Variants in CEP43 observed in about 807,000 individuals in gnomAD.
CEP43 encodes FGFR1 oncogene partner.
A neutral mutation model predicts 52.6 loss-of-function variants in CEP43; 36 were observed. The ratio of observed to expected loss-of-function variants is 0.68; its 90% CI spans 0.52 to 0.90. The LOEUF is 0.90. Among genes scored for constraint, CEP43 ranks in the 40% least tolerant of loss-of-function variants. The pLI is 0.00. For synonymous variants in CEP43, 192 were observed against 172.4 expected (o/e 1.11, Z -0.89); for missense variants, 506 against 472.8 (o/e 1.07, Z -0.65).
chr6:167,051,478 G>A lies in CEP43; in HGVS notation c.*11500G>A, dbSNP rs1348819978. 1.3e-5 allele frequency: 2 copies of A among 152,234 alleles called. No homozygotes were observed. The highest frequency in any genetic ancestry group is 1.9e-4 in the East Asian group (1 of 5,204). The allele number at this position is 152,234 out of a possible 1,614,324, so 9.4% of individuals were successfully genotyped here. A position where few individuals can be genotyped will look rare whatever the true frequency, so the allele number is the denominator to read the frequency against. On this transcript the variant is annotated 3_prime_UTR_variant, in exon 13 of 13. Coordinates refer to ENST00000366847, the MANE Select transcript of CEP43 (RefSeq NM_007045.4). Reference sequence around the variant, plus strand: ...AGTCAAGATGGAGTTGGTTAGATCAGATCTCTTTCACTGTTATAATTTTCT... The same window carrying A: ...AGTCAAGATGGAGTTGGTTAGATCAAATCTCTTTCACTGTTATAATTTTCT...
intron 7 of CEP43, among the ~76,000 whole-genome samples, chr6:167,021,617 CA>C (rs1780233233): frequency 6.6e-6 from 1 of 151,734 alleles, no homozygotes; most frequent in African/African-American, 2.4e-5. Flanking sequence ...TCCCTGAAAA[CA>C]AAAAAGAAAA....
chr6:167,013,635 G>T, intron 7 of CEP43, 68 bp downstream of exon 7: 1 of 1,266,712 alleles, frequency 7.9e-7, no homozygotes, highest in South Asian at 1.2e-5. Flanking sequence ...GGGGCCTCCT[G>T]GAGCGCTGGG....
At chr6:167,036,070 A>G (rs535341234) in intron 12 of CEP43, 715 of 985,292 alleles carry the variant, frequency 7.3e-4, no homozygotes, top group Non-Finnish European at 8.4e-4. Flanking sequence ...CTTCCCTCAA[A>G]TTTATGCAGG....
chr6:167,031,985 C>T (rs1011537932), intron 10 of CEP43, among the ~76,000 whole-genome samples: 12 of 152,152 alleles, frequency 7.9e-5, no homozygotes, highest in African/African-American at 2.9e-4. Context: ...TACTGTGGAC[C>T]AAGGTCTCTG....
At chr6:167,002,124 T>G (rs1030872606) in intron 2 of CEP43, among the ~76,000 whole-genome samples, 1 of 152,200 alleles carries the variant, frequency 6.6e-6, no homozygotes, top group Non-Finnish European at 1.5e-5. Context: ...GAAATGATCA[T>G]CACAATCAAG....
chr6:167,025,024 A>T, intron 9 of CEP43, 130 bp downstream of exon 9: 1 of 619,540 alleles, frequency 1.6e-6, no homozygotes, highest in East Asian at 2.8e-5. Flanking sequence ...ACTCAGAGAT[A>T]TTTCCTGTTA....
chr6:167,014,595 A>G (rs1562526509), intron 7 of CEP43, among the ~76,000 whole-genome samples: 1 of 152,244 alleles, frequency 6.6e-6, no homozygotes. Flanking sequence ...GAAAATCTTC[A>G]AACTTAAAGC....
In CEP43 at chr6:167,024,737, G is replaced by T. The variant is rs755954152; in HGVS notation, c.807-45G>T. On this transcript the variant is annotated intron_variant, in intron 8 of 12. Coordinates refer to ENST00000366847, the MANE Select transcript of CEP43 (RefSeq NM_007045.4). The stretch of plus-strand genomic sequence containing the variant: ...CTGTGGCAGAATAAAAGTGTTTAGT[G>T]GCAGAACATAAGAGCACCGATTAAC... 1.5e-5 allele frequency: 20 copies of T among 1,313,082 alleles called. No individual in the cohort carries two copies. The East Asian group carries it at 2.6e-4, about 17-fold the overall frequency. The allele number at this position is 1,313,082 out of a possible 1,614,324, so 81.3% of individuals were successfully genotyped here.
chr6:167,044,395 TTA>T lies in CEP43; in HGVS notation c.*4419_*4420del, dbSNP rs1229344422. 6 of 985,006 alleles carry T rather than the reference TTA, an allele frequency of 6.1e-6. No individual in the cohort carries two copies. The highest frequency in any genetic ancestry group is 1.8e-5 in the African/African-American group (1 of 57,032). 61.0% of individuals were successfully genotyped at this position (985,006 alleles called of 1,614,324 possible). On this transcript the variant is annotated 3_prime_UTR_variant, in exon 13 of 13. Coordinates refer to ENST00000366847, the MANE Select transcript of CEP43 (RefSeq NM_007045.4). ...CTCAAAGGCAATTTCAAAGAAATCT[TTA>T]TGTTTAGCAAGAAGACCAAGATGAC...
chr6:167,033,413 C>G (rs562292164), intron 11 of CEP43, among the ~76,000 whole-genome samples: 8 of 151,998 alleles, frequency 5.3e-5, no homozygotes, highest in Non-Finnish European at 1.0e-4. Context: ...CCTGTCGATT[C>G]CTTTCTTATA....
chr6:167,024,799 A>G lies in CEP43; in HGVS notation c.824A>G (p.Lys275Arg), dbSNP rs146053844. ...CTTGTTAGGAGGAAGGAACCTAGGA[A>G]GCAAGCAGGAAGTCTGGCCTCGCTC... The part of the protein sequence containing the change: ...KTYGLRKEPR[K>R]QAGSLASLSD... Residue 275 changes from lysine to arginine, a missense_variant, in exon 9 of 13, where the codon AAG becomes AGG. Coordinates refer to ENST00000366847, the MANE Select transcript of CEP43 (RefSeq NM_007045.4). 3 of 1,613,582 alleles carry G rather than the reference A, an allele frequency of 1.9e-6. No individual in the cohort carries two copies. The highest frequency in any genetic ancestry group is 2.5e-6 in the Non-Finnish European group (3 of 1,179,640).
chr6:167,020,450 C>T (rs6921037), intron 7 of CEP43, among the ~76,000 whole-genome samples: 3,942 of 152,240 alleles, frequency 0.026, 174 homozygotes, highest in African/African-American at 0.09. Flanking sequence ...GCGTCTTGTT[C>T]GGTAATGTCT....
In CEP43 at chr6:167,042,043, T is replaced by G; in HGVS notation, c.*2065T>G. 1 of 680,970 alleles carries G rather than the reference T, an allele frequency of 1.5e-6. No homozygotes were observed. Among genetic ancestry groups the G allele is most frequent in the Non-Finnish European group, 1.8e-6 (1 of 546,424 alleles). 42.2% of individuals were successfully genotyped at this position (680,970 alleles called of 1,614,324 possible). On this transcript the variant is annotated 3_prime_UTR_variant, in exon 13 of 13. Transcript: ENST00000366847. ...TTCACCATGTTGGTCAGGCTGGTCT[T>G]GAACTCCTGACCTCGTTCCTGCCTT...
At position 167,007,633 on chromosome 6, in the gene CEP43, G is replaced by A. The variant is rs990754487; in HGVS notation, c.439-3180G>A. Among the ~76,000 whole-genome samples, 3 of 152,122 alleles carry A rather than the reference G, an allele frequency of 2.0e-5. No homozygotes were observed. The East Asian group carries it at 5.8e-4, about 29-fold the overall frequency. On this transcript the variant is annotated intron_variant, in intron 5 of 12. Coordinates refer to ENST00000366847, the MANE Select transcript of CEP43 (RefSeq NM_007045.4). ...TGGAAGAAAACCTGTTGTTTATAAT[G>A]AAATAAAAAATTAGAGCTTTTATTA...
Position 167,003,190 on chromosome 6 carries a change from C to A in CEP43, c.157-3C>A. The A allele has an allele frequency of 7.5e-6, 10 of 1,326,922 alleles. No homozygotes were observed. The highest frequency in any genetic ancestry group is 1.4e-5 in the South Asian group (1 of 71,540). 82.2% of individuals were successfully genotyped at this position (1,326,922 alleles called of 1,614,324 possible). ...GACACTTAAATTTTTTTTTTTTTAA[C>A]AGAACAAAACTCCTTTAGTTAATGA... On this transcript the variant is annotated splice_polypyrimidine_tract_variant and splice_region_variant and intron_variant, in intron 2 of 12. Transcript: ENST00000366847.
chr6:167,027,841 T>C lies in CEP43; in HGVS notation c.988+1226T>C, dbSNP rs796588156. Reference sequence around the variant, plus strand: ...GCCTAGTAAATGTTAGTTTTCTTTTTACGTTACTTTTCCCCCCATTTGCAG... The same window carrying C: ...GCCTAGTAAATGTTAGTTTTCTTTTCACGTTACTTTTCCCCCCATTTGCAG... On this transcript the variant is annotated intron_variant, in intron 10 of 12. Transcript: ENST00000366847. 40 of 985,168 alleles carry C rather than the reference T, an allele frequency of 4.1e-5. No individual in the cohort carries two copies. The African/African-American group carries it at 5.6e-4, about 14-fold the overall frequency. 61.0% of individuals were successfully genotyped at this position (985,168 alleles called of 1,614,324 possible). A position where few individuals can be genotyped will look rare whatever the true frequency, so the allele number is the denominator to read the frequency against.
At position 167,008,463 on chromosome 6, in the gene CEP43, A is replaced by ATT. The variant is rs148027487; in HGVS notation, c.439-2342_439-2341dup. Among the ~76,000 whole-genome samples, 3 of 150,500 alleles carry ATT rather than the reference A, an allele frequency of 2.0e-5. No individual in the cohort carries two copies. The East Asian group carries it at 5.8e-4, about 29-fold the overall frequency. On this transcript the variant is annotated intron_variant, in intron 5 of 12. Coordinates refer to ENST00000366847, the MANE Select transcript of CEP43 (RefSeq NM_007045.4). ...CTCTTACACAGTCTAAGGCATTGTG[A>ATT]TTTTTTTTTGTTTTTTTTTGAGACG...
At chr6:167,001,183 C>T (rs1274024206) in intron 2 of CEP43, among the ~76,000 whole-genome samples, 2 of 152,206 alleles carry the variant, frequency 1.3e-5, no homozygotes, top group African/African-American at 2.4e-5. Flanking sequence ...AAATGCTTAC[C>T]TGTGTCTATG....
At position 167,049,904 on chromosome 6, in the gene CEP43, TC is replaced by T. The variant is rs1383160278; in HGVS notation, c.*9927del. On this transcript the variant is annotated 3_prime_UTR_variant, in exon 13 of 13. Coordinates refer to ENST00000366847, the MANE Select transcript of CEP43 (RefSeq NM_007045.4). Reference sequence around the variant, plus strand: ...TCTCTCTCTTTTTAGATATAGACATTCTGGCAGGTGTGACATTGTATCTCTT... The same window carrying T: ...TCTCTCTCTTTTTAGATATAGACATTTGGCAGGTGTGACATTGTATCTCTT... The T allele has an allele frequency of 6.6e-6, 1 of 152,248 alleles. No homozygotes were observed. 9.4% of individuals were successfully genotyped at this position (152,248 alleles called of 1,614,324 possible).
Sources: gnomAD v4.1 joint callset for allele counts (sites outside exome capture counted in the v4.1 genomes callset) on GRCh38, gnomAD v4.1.1 for gene constraint, MANE v1.5 for transcripts, NCBI Gene and HGNC (gene_info 2026-07-23, HGNC 2026-07-21) for gene names.